CLCN1: variants seen among roughly 807,000 people sequenced by gnomAD.
CLCN1 encodes chloride channel protein 1.
A neutral mutation model predicts 114.5 loss-of-function variants in CLCN1; 100 were observed. The ratio of observed to expected loss-of-function variants is 0.87; its 90% CI spans 0.74 to 1.03. The LOEUF is 1.03. Ranked by LOEUF, CLCN1 falls within the 50% of genes least tolerant of loss-of-function variation. The pLI is 0.00. For missense variants in CLCN1, 1,188 were observed against 1,250.0 expected (o/e 0.95, Z 0.75); for synonymous variants, 485 against 487.1 (o/e 1.00, Z 0.06).
chr7:143,336,254 T>A (rs375428739), intron 12 of CLCN1, among the ~76,000 whole-genome samples: 3 of 151,678 alleles, frequency 2.0e-5, no homozygotes, highest in South Asian at 4.2e-4. Context: ...TGGAAACCCA[T>A]AATGGGTTTC....
intron 14 of CLCN1, among the ~76,000 whole-genome samples, chr7:143,340,875 T>A (rs1480704998): frequency 6.6e-6 from 1 of 152,156 alleles, no homozygotes; most frequent in Non-Finnish European, 1.5e-5. Context: ...TCCTCTACAT[T>A]TTCCCCATAG....
chr7:143,325,808 G>A (rs1802558345), intron 7 of CLCN1, among the ~76,000 whole-genome samples: 1 of 152,128 alleles, frequency 6.6e-6, no homozygotes, highest in South Asian at 2.1e-4. Flanking sequence ...GTCAAGTATG[G>A]GAGAGGTAAA....
chr7:143,340,910 G>T (rs993271082), intron 14 of CLCN1, among the ~76,000 whole-genome samples: 1 of 152,078 alleles, frequency 6.6e-6, no homozygotes, highest in African/African-American at 2.4e-5. Context: ...ATTTAAATAA[G>T]AAATATAATT....
At position 143,339,366 on chromosome 7, in the gene CLCN1, T is replaced by C. The variant is rs1563083254; in HGVS notation, c.1471+44T>C. The stretch of plus-strand genomic sequence containing the variant: ...CCTGGGGTCTGACTGAGAGTTGCAA[T>C]CTAGGATACAGGAAACATAAGGAAA... On this transcript the variant is annotated intron_variant, in intron 13 of 22. Transcript: ENST00000343257. The surrounding 1 kb of genome is among the most constrained non-coding windows in gnomAD (Gnocchi z 4.1). 6.7e-7 allele frequency: 1 copy of C among 1,489,546 alleles called. No individual in the cohort carries two copies. Among genetic ancestry groups the C allele is most frequent in the Non-Finnish European group, 9.4e-7 (1 of 1,066,606 alleles). The allele number at this position is 1,489,546 out of a possible 1,614,324, so 92.3% of individuals were successfully genotyped here.
At chr7:143,320,165 T>G (rs980010813) in intron 2 of CLCN1, among the ~76,000 whole-genome samples, 1 of 152,142 alleles carries the variant, frequency 6.6e-6, no homozygotes, top group Non-Finnish European at 1.5e-5. Flanking sequence ...ATTTTAAAAC[T>G]TTTTTTGTAA....
chr7:143,348,700 A>G (rs557542495), intron 20 of CLCN1, among the ~76,000 whole-genome samples: 4 of 152,220 alleles, frequency 2.6e-5, no homozygotes, highest in Non-Finnish European at 4.4e-5. Flanking sequence ...AGATTCAATT[A>G]TATGTTGCCA....
At chr7:143,331,163 G>A (rs1802712881) in intron 8 of CLCN1, 69 bp from the exon 9 acceptor site, 5 of 1,211,818 alleles carry the variant, frequency 4.1e-6, no homozygotes, top group Non-Finnish European at 3.7e-6. Context: ...CCTGAAAACT[G>A]CCCACCTCTG....
intron 22 of CLCN1, among the ~76,000 whole-genome samples, chr7:143,351,160 G>A (rs753148237): frequency 6.6e-6 from 1 of 152,164 alleles, no homozygotes; most frequent in Non-Finnish European, 1.5e-5. Flanking sequence ...AGCCTGTTAT[G>A]GCCACAGCCC....
chr7:143,316,852 G>T (rs1447581411), intron 1 of CLCN1, among the ~76,000 whole-genome samples: 2 of 152,230 alleles, frequency 1.3e-5, no homozygotes, highest in Non-Finnish European at 2.9e-5. Context: ...AAGGAATTGG[G>T]CAAGTGTAGA....
At chr7:143,347,937 T>C (rs1803300630) in intron 20 of CLCN1, among the ~76,000 whole-genome samples, 1 of 151,900 alleles carries the variant, frequency 6.6e-6, no homozygotes, top group African/African-American at 2.4e-5. Context: ...TACCGAGGGG[T>C]TGTGGAGGAA....
At chr7:143,320,918 G>C in intron 3 of CLCN1, 123 bp downstream of exon 3, 1 of 1,209,084 alleles carries the variant, frequency 8.3e-7, no homozygotes. Context: ...ATTGCGCAGA[G>C]AGGGATCAGG....
intron 15 of CLCN1, 71 bp downstream of exon 15, chr7:143,342,213 CTTAGAG>C (rs750548600): frequency 1.0e-5 from 16 of 1,537,142 alleles, no homozygotes; most frequent in East Asian, 2.3e-5. Flanking sequence ...TGAGACTGAG[CTTAGAG>C]TTAAAGTTTG....
intron 12 of CLCN1, among the ~76,000 whole-genome samples, chr7:143,334,974 A>C (rs1432347097): frequency 1.3e-5 from 2 of 152,246 alleles, no homozygotes; most frequent in Admixed American, 6.5e-5. Flanking sequence ...ACCCATCTAC[A>C]GTAACCAAGT....
Position 143,345,641 on chromosome 7 carries a change from T to G in CLCN1, c.2051T>G (p.Leu684Arg), listed in dbSNP as rs774795252. The G allele has an allele frequency of 5.8e-6, 9 of 1,564,916 alleles. No individual in the cohort carries two copies. Among genetic ancestry groups the G allele is most frequent in the Non-Finnish European group, 7.8e-6 (9 of 1,155,524 alleles). ...GAGATGGCGCGGAAGTTGTCGGAGC[T>G]GCCTTACGACGGGAAGGCGCGGCTG... Reference protein sequence around the residue: ...AQEMARKLSELPYDGKARLAG... With the variant: ...AQEMARKLSERPYDGKARLAG... The change falls in exon 17 of 23, where the codon CTG (leucine) becomes CGG (arginine). Residue 684 changes from leucine (L) to arginine (R), a missense_variant. By Grantham distance (102) the Leu-to-Arg change is moderately radical (BLOSUM62 -2). Coordinates refer to ENST00000343257, the MANE Select transcript of CLCN1 (RefSeq NM_000083.3).
In CLCN1 at chr7:143,339,748, A is replaced by T. The variant is rs1044925980; in HGVS notation, c.1582+127A>T. 1.4e-6 allele frequency: 1 copy of T among 715,418 alleles called. No individual in the cohort carries two copies. The highest frequency in any genetic ancestry group is 2.5e-6 in the Non-Finnish European group (1 of 394,164). The allele number at this position is 715,418 out of a possible 1,614,324, so 44.3% of individuals were successfully genotyped here. A position where few individuals can be genotyped will look rare whatever the true frequency, so the allele number is the denominator to read the frequency against. On this transcript the variant is annotated intron_variant, in intron 14 of 22. Transcript: ENST00000343257. The surrounding 1 kb of genome is among the most constrained non-coding windows in gnomAD (Gnocchi z 4.1). ...TTTTAATTTAGTGCTACTTAACTCAACTTTTACTCAGATAACATACCCATG... is the reference window on the plus strand; with the variant it reads ...TTTTAATTTAGTGCTACTTAACTCATCTTTTACTCAGATAACATACCCATG...
At position 143,320,788 on chromosome 7, in the gene CLCN1, C is replaced by T. The variant is rs559395994; in HGVS notation, c.426C>T (p.Ser142=). 1.2e-6 allele frequency: 2 copies of T among 1,614,020 alleles called. No individual in the cohort carries two copies. The highest frequency in any genetic ancestry group is 2.2e-5 in the South Asian group (2 of 91,084). Residue 142 remains serine, a synonymous_variant, in exon 3 of 23, where the codon AGC becomes AGT. Transcript: ENST00000343257. ...GCATGGACTACGTCAGTGCCAAAAG[C>T]CTTCAGGGTAGGTTTAACCTGGACC... ...SWSMDYVSAK[S]LQAYKWSYAQ...
chr7:143,336,898 T>C (rs1382858356), intron 12 of CLCN1, among the ~76,000 whole-genome samples: 7 of 152,238 alleles, frequency 4.6e-5, no homozygotes, highest in African/African-American at 2.4e-5. Flanking sequence ...TTACCTGTTA[T>C]ATGAATTGCT....
At chr7:143,346,078 A>G in intron 17 of CLCN1, 62 bp from the exon 18 acceptor site, 1 of 1,083,988 alleles carries the variant, frequency 9.2e-7, no homozygotes, top group Non-Finnish European at 1.4e-6. Flanking sequence ...CCAACTGGTA[A>G]AGGCAGTGAA....
At position 143,324,550 on chromosome 7, in the gene CLCN1, GT is replaced by G; in HGVS notation, c.853+62del. 1 of 1,279,036 alleles carries G rather than the reference GT, an allele frequency of 7.8e-7. No homozygotes were observed. Among genetic ancestry groups the G allele is most frequent in the Non-Finnish European group, 1.1e-6 (1 of 875,930 alleles). 79.2% of individuals were successfully genotyped at this position (1,279,036 alleles called of 1,614,324 possible). On this transcript the variant is annotated intron_variant, in intron 7 of 22. Coordinates refer to ENST00000343257, the MANE Select transcript of CLCN1 (RefSeq NM_000083.3). This position sits in a 1 kb window ranked among gnomAD's most constrained non-coding sequence, Gnocchi z 4.6. ...CTTGCCTGGCCTGGCTCCCAAAACA[GT>G]TTTAATCAGTATCCACAAGTGCTGG...
Sources: allele counts gnomAD v4.1 joint callset (sites outside exome capture counted in the v4.1 genomes callset), GRCh38; gene constraint gnomAD v4.1.1; non-coding constraint Gnocchi (gnomAD v3.1); transcripts MANE v1.5; gene names NCBI Gene and HGNC (gene_info 2026-07-23, HGNC 2026-07-21).